The following CNTNAP4 variants were observed in gnomAD, a reference collection of about 807,000 sequenced individuals.
The protein encoded by CNTNAP4 is contactin associated protein family member 4.
Under a neutral mutation model 148.4 loss-of-function variants are expected in CNTNAP4, and 98 were observed. That is an observed-to-expected ratio of 0.66 (90% confidence interval 0.56 to 0.78). The LOEUF (loss-of-function observed/expected upper bound fraction) is 0.78, where lower values mean the gene tolerates loss of function less well. Among genes scored for constraint, CNTNAP4 ranks in the 30% least tolerant of loss-of-function variants. CNTNAP4 has a pLI of 0.00. For synonymous variants in CNTNAP4, 730 were observed against 565.1 expected (o/e 1.29, Z -4.14); for missense variants, 1,935 against 1,565.6 (o/e 1.24, Z -3.98).
intron 2 of CNTNAP4, among the ~76,000 whole-genome samples, chr16:76,351,058 T>C (rs1332885432): frequency 6.6e-6 from 1 of 152,190 alleles, no homozygotes; most frequent in Non-Finnish European, 1.5e-5. Flanking sequence ...AGATGGTCTT[T>C]AGTTTCATAA....
At chr16:76,523,820 G>C (rs1320257527) in intron 17 of CNTNAP4, among the ~76,000 whole-genome samples, 1 of 151,984 alleles carries the variant, frequency 6.6e-6, no homozygotes, top group African/African-American at 2.4e-5. Context: ...TAATCCCAGC[G>C]TTCAAGAAGC....
intron 3 of CNTNAP4, among the ~76,000 whole-genome samples, chr16:76,361,786 AT>A (rs1292466113): frequency 1.3e-5 from 2 of 152,120 alleles, no homozygotes; most frequent in Admixed American, 6.5e-5. Flanking sequence ...TCTACCAACT[AT>A]GTACTAGGGT....
At chr16:76,393,988 C>G (rs1319844635) in intron 3 of CNTNAP4, among the ~76,000 whole-genome samples, 1 of 152,180 alleles carries the variant, frequency 6.6e-6, no homozygotes, top group Non-Finnish European at 1.5e-5. Flanking sequence ...ATTTTCCCTG[C>G]TGGTTTTTCC....
intron 14 of CNTNAP4, 57 bp downstream of exon 14, chr16:76,495,123 C>G: frequency 6.3e-7 from 1 of 1,577,796 alleles, no homozygotes; most frequent in Non-Finnish European, 8.7e-7. Context: ...AAATTAATCA[C>G]TCAAAGTATG....
chr16:76,421,076 T>A (rs991985489), intron 3 of CNTNAP4, among the ~76,000 whole-genome samples: 1 of 152,032 alleles, frequency 6.6e-6, no homozygotes, highest in Admixed American at 6.6e-5. Context: ...GCATCTTTCC[T>A]GTGCTTTTTC....
intron 3 of CNTNAP4, among the ~76,000 whole-genome samples, chr16:76,423,689 A>G (rs1471846039): frequency 1.2e-4 from 19 of 152,144 alleles, no homozygotes; most frequent in Admixed American, 1.2e-3. Flanking sequence ...AACATTCTGA[A>G]AATTTCCATC....
intron 21 of CNTNAP4, among the ~76,000 whole-genome samples, chr16:76,549,056 C>T (rs888267811): frequency 3.3e-5 from 5 of 152,040 alleles, no homozygotes; most frequent in African/African-American, 1.2e-4. Context: ...AGTTGTTGGT[C>T]CAGGCGGACA....
At chr16:76,351,934 T>A (rs2011838117) in intron 2 of CNTNAP4, among the ~76,000 whole-genome samples, 1 of 152,220 alleles carries the variant, frequency 6.6e-6, no homozygotes, top group South Asian at 2.1e-4. Context: ...GCAAGAGAAA[T>A]ACTGTGAAAT....
intron 1 of CNTNAP4, among the ~76,000 whole-genome samples, chr16:76,282,135 A>G (rs922600349): frequency 1.3e-5 from 2 of 151,952 alleles, no homozygotes; most frequent in Non-Finnish European, 2.9e-5. Context: ...ACACAAATAT[A>G]TACTTGCAGA....
chr16:76,538,448 G>A, intron 19 of CNTNAP4, 108 bp downstream of exon 19: 1 of 788,016 alleles, frequency 1.3e-6, no homozygotes, highest in East Asian at 2.7e-5. Context: ...CAGAAAAATG[G>A]AGTGTGCCTG....
At chr16:76,344,414 C>A (rs1003938250) in intron 2 of CNTNAP4, among the ~76,000 whole-genome samples, 1 of 152,026 alleles carries the variant, frequency 6.6e-6, no homozygotes, top group Admixed American at 6.6e-5. Flanking sequence ...ATCCACATAC[C>A]GTTTTATAAA....
chr16:76,482,432 A>ATTTTTT (rs57722242), intron 12 of CNTNAP4, among the ~76,000 whole-genome samples: 2 of 130,670 alleles, frequency 1.5e-5, no homozygotes, highest in Admixed American at 1.6e-4. Flanking sequence ...GTTTTACACA[A>ATTTTTT]TTTTTTTTTT....
Position 76,489,619 on chromosome 16 carries a change from T to C in CNTNAP4, c.1883-67T>C, listed in dbSNP as rs148812928. On this transcript the variant is annotated intron_variant, in intron 12 of 23. Transcript: ENST00000611870. ...GATAAAAGGTGATTTTGATTTTCTT[T>C]ATTTATTTTAACTTTTGCAGACTAG... 7.5e-5 allele frequency: 64 copies of C among 857,456 alleles called. No homozygotes were observed. The African/African-American group carries it at 1.0e-3, about 14-fold the overall frequency. The allele number at this position is 857,456 out of a possible 1,614,324, so 53.1% of individuals were successfully genotyped here. A position where few individuals can be genotyped will look rare whatever the true frequency, so the allele number is the denominator to read the frequency against.
rs148708029 is a variant in CNTNAP4, at chr16:76,515,252, A to T, written c.2366-5888A>T. 1.2e-3 allele frequency among the ~76,000 whole-genome samples: 188 copies of T among 152,316 alleles called. 1 individual carries two copies. The highest frequency in any genetic ancestry group is 4.5e-3 in the African/African-American group (185 of 41,562). ...CTCAAAAGTTGACAGTTAAAAACACAATTAAAATATGGGTGTTACGTACTA... is the reference window on the plus strand; with the variant it reads ...CTCAAAAGTTGACAGTTAAAAACACTATTAAAATATGGGTGTTACGTACTA... On this transcript the variant is annotated intron_variant, in intron 15 of 23. Transcript: ENST00000611870.
chr16:76,553,973 C>G, intron 23 of CNTNAP4, 66 bp downstream of exon 23: 1 of 1,035,282 alleles, frequency 9.7e-7, no homozygotes, highest in Non-Finnish European at 1.5e-6. Flanking sequence ...GAATATTTAG[C>G]ATTGTAGAAA....
chr16:76,411,810 A>G (rs1289553674), intron 3 of CNTNAP4, among the ~76,000 whole-genome samples: 2 of 151,454 alleles, frequency 1.3e-5, no homozygotes, highest in Non-Finnish European at 3.0e-5. Context: ...GTAACTTTTT[A>G]TAATGAAAGA....
At chr16:76,513,046 T>G (rs910844893) in intron 15 of CNTNAP4, among the ~76,000 whole-genome samples, 1 of 151,974 alleles carries the variant, frequency 6.6e-6, no homozygotes, top group Non-Finnish European at 1.5e-5. Flanking sequence ...TAATGGTAAA[T>G]GGGGGAGAAA....
intron 3 of CNTNAP4, among the ~76,000 whole-genome samples, chr16:76,376,909 GT>G (rs2015475317): frequency 3.1e-5 from 1 of 32,266 alleles, no homozygotes; most frequent in African/African-American, 1.7e-4. Flanking sequence ...AACAAGGTTT[GT>G]GTGTGTGTGT....
intron 17 of CNTNAP4, among the ~76,000 whole-genome samples, chr16:76,527,378 A>T (rs2083788977): frequency 6.6e-6 from 1 of 152,076 alleles, no homozygotes; most frequent in African/African-American, 2.4e-5. Flanking sequence ...AATCCAATAT[A>T]ATTGATTTTC....
Sources: gnomAD v4.1 joint callset for allele counts (sites outside exome capture counted in the v4.1 genomes callset) on GRCh38, gnomAD v4.1.1 for gene constraint, MANE v1.5 for transcripts, NCBI Gene and HGNC (gene_info 2026-07-23, HGNC 2026-07-21) for gene names.